CTNNA1: variants seen among roughly 807,000 people sequenced by gnomAD.
CTNNA1 encodes the protein catenin alpha 1, also known as catenin alpha-1.
In CTNNA1, 37 loss-of-function variants were observed where a neutral mutation model predicts 98.4. That is an observed-to-expected ratio of 0.38 (90% confidence interval 0.29 to 0.49). CTNNA1 has a LOEUF of 0.49. CTNNA1 is among the 20% of genes least tolerant of loss of function. CTNNA1 has a pLI of 0.95. For missense variants in CTNNA1, 761 were observed against 1,147.2 expected, an observed-to-expected ratio of 0.66 and a Z score of 4.86; for synonymous variants, 404 against 413.2, an observed-to-expected ratio of 0.98 and a Z score of 0.27.
At chr5:138,838,138 T>G (rs1761963675) in intron 7 of CTNNA1, among the ~76,000 whole-genome samples, 4 of 152,188 alleles carry the variant, frequency 2.6e-5, no homozygotes. Flanking sequence ...TGATGTCAAA[T>G]GCTATACCCA....
chr5:138,825,232 ATCTT>A (rs1760532382), intron 6 of CTNNA1, among the ~76,000 whole-genome samples: 1 of 152,200 alleles, frequency 6.6e-6, no homozygotes, highest in African/African-American at 2.4e-5. Flanking sequence ...CATCATTCTA[ATCTT>A]TCTTGTCTGC....
chr5:138,903,416 C>T (rs1466502200), intron 9 of CTNNA1, among the ~76,000 whole-genome samples: 3 of 152,160 alleles, frequency 2.0e-5, no homozygotes, highest in Non-Finnish European at 4.4e-5. Flanking sequence ...CTTTATCATT[C>T]ATAACTCAGT....
rs1308639423 is a variant in CTNNA1, at chr5:138,768,847, C to T, written c.-2-13076C>T. On this transcript the variant is annotated intron_variant, in intron 1 of 17. Coordinates refer to ENST00000302763, the MANE Select transcript of CTNNA1 (RefSeq NM_001903.5). Reference sequence around the variant, plus strand: ...TAGCATCTTCCAGATTTCTGTGTTACAAAGACAGAATGGTCTTTTGGTCTT... The same window carrying T: ...TAGCATCTTCCAGATTTCTGTGTTATAAAGACAGAATGGTCTTTTGGTCTT... Among the ~76,000 whole-genome samples the T allele has an allele frequency of 2.0e-5, 3 of 151,986 alleles. No homozygotes were observed. The South Asian group carries it at 6.2e-4, about 32-fold the overall frequency.
At chr5:138,921,322 G>A (rs1205710864) in intron 11 of CTNNA1, among the ~76,000 whole-genome samples, 2 of 152,116 alleles carry the variant, frequency 1.3e-5, no homozygotes, top group Non-Finnish European at 2.9e-5. Context: ...GCAAGTGGTT[G>A]CTTAGAGAAG....
chr5:138,833,461 T>A (rs186412116), intron 7 of CTNNA1, among the ~76,000 whole-genome samples: 1 of 152,258 alleles, frequency 6.6e-6, no homozygotes, highest in Non-Finnish European at 1.5e-5. Flanking sequence ...CTCACTGATA[T>A]TATTTTAGAT....
At chr5:138,824,184 G>A (rs1452373723) in intron 5 of CTNNA1, among the ~76,000 whole-genome samples, 3 of 152,058 alleles carry the variant, frequency 2.0e-5, no homozygotes, top group African/African-American at 7.2e-5. Context: ...TACATTATCC[G>A]ATTTAATCCT....
Position 138,783,183 on chromosome 5 carries a change from A to G in CTNNA1, c.112A>G (p.Thr38Ala). Residue 38 changes from threonine (T) to alanine (A), a missense_variant, in exon 3 of 18, where the codon ACC (threonine) becomes GCC (alanine). This residue lies in a region of CTNNA1 where 328 missense variants were observed against 354.3 expected (regional missense o/e 0.93). Transcript: ENST00000302763. The part of the protein sequence containing the change: ...LLEPLVTQVT[T>A]LVNTNSKGPS... ...TTAAAAATGAAACTTTTAGGTTACA[A>G]CCCTTGTAAACACCAATAGTAAAGG... 1 of 1,594,502 alleles carries G rather than the reference A, an allele frequency of 6.3e-7. No individual in the cohort carries two copies. The highest frequency in any genetic ancestry group is 8.5e-7 in the Non-Finnish European group (1 of 1,169,882).
chr5:138,917,908 T>G lies in CTNNA1; in HGVS notation c.1546+10T>G, dbSNP rs552041403. ...TTCTTGGCTGTCTCAGGTAATGAGCTGGTTCCCCAGAGAAGTATGTGAAGA... is the reference window on the plus strand; with the variant it reads ...TTCTTGGCTGTCTCAGGTAATGAGCGGGTTCCCCAGAGAAGTATGTGAAGA... On this transcript the variant is annotated intron_variant, in intron 11 of 17. Coordinates refer to ENST00000302763, the MANE Select transcript of CTNNA1 (RefSeq NM_001903.5). 11 of 1,613,194 alleles carry G rather than the reference T, an allele frequency of 6.8e-6. No individual in the cohort carries two copies. The East Asian group carries it at 1.8e-4, about 26-fold the overall frequency.
intron 1 of CTNNA1, among the ~76,000 whole-genome samples, chr5:138,768,225 C>T (rs923216642): frequency 2.0e-5 from 3 of 152,144 alleles, no homozygotes; most frequent in Non-Finnish European, 1.5e-5. Flanking sequence ...TGTAGATGTT[C>T]TCCATTTTGG....
At chr5:138,881,863 A>G (rs1010011996) in intron 7 of CTNNA1, among the ~76,000 whole-genome samples, 1 of 152,184 alleles carries the variant, frequency 6.6e-6, no homozygotes, top group African/African-American at 2.4e-5. Flanking sequence ...CTTTTTAAAC[A>G]GTCCTTAAAT....
intron 5 of CTNNA1, among the ~76,000 whole-genome samples, chr5:138,823,191 G>A (rs576539515): frequency 1.3e-5 from 2 of 152,202 alleles, no homozygotes; most frequent in South Asian, 2.1e-4. Context: ...TCCCTTCTGA[G>A]TATTGTGAGT....
intron 7 of CTNNA1, among the ~76,000 whole-genome samples, chr5:138,836,592 G>A (rs564796517): frequency 6.6e-6 from 1 of 152,334 alleles, no homozygotes; most frequent in African/African-American, 2.4e-5. Context: ...GCATGTTTAT[G>A]TATTTGTTGA....
rs932740865 is a variant in CTNNA1, at chr5:138,874,975, A to T, written c.1063-11237A>T. ...GTTAGACTCAACGCAGTGAGTCTGT[A>T]AAAGGCTCTAACATGTAGGAGCCTT... On this transcript the variant is annotated intron_variant, in intron 7 of 17. Coordinates refer to ENST00000302763, the MANE Select transcript of CTNNA1 (RefSeq NM_001903.5). The surrounding 1 kb of genome is among the most constrained non-coding windows in gnomAD (Gnocchi z 4.1). The T allele has an allele frequency of 1.9e-6, 3 of 1,575,940 alleles. No individual in the cohort carries two copies. The Admixed American group carries it at 5.0e-5, about 26-fold the overall frequency.
At chr5:138,779,636 G>A (rs1466117756) in intron 1 of CTNNA1, among the ~76,000 whole-genome samples, 1 of 151,964 alleles carries the variant, frequency 6.6e-6, no homozygotes, top group African/African-American at 2.4e-5. Context: ...CCAAAGTGCT[G>A]GTATCACAGG....
intron 17 of CTNNA1, chr5:138,933,075 A>C: frequency 1.4e-6 from 1 of 693,352 alleles, no homozygotes; most frequent in East Asian, 2.5e-5. Flanking sequence ...TGGAGGTTGC[A>C]GTGAGCCGAG....
At chr5:138,834,345 C>T (rs1013730217) in intron 7 of CTNNA1, among the ~76,000 whole-genome samples, 20 of 152,178 alleles carry the variant, frequency 1.3e-4, no homozygotes, top group Admixed American at 8.5e-4. Flanking sequence ...TAATTCGGAT[C>T]TGTGTATATG....
intron 7 of CTNNA1, among the ~76,000 whole-genome samples, chr5:138,858,682 G>A (rs748545263): frequency 1.5e-5 from 2 of 137,354 alleles, no homozygotes; most frequent in Non-Finnish European, 3.0e-5. Flanking sequence ...TGCAACCTCC[G>A]CCTCCCGCAT....
At chr5:138,841,249 A>ATATG (rs1410466554) in intron 7 of CTNNA1, among the ~76,000 whole-genome samples, 4 of 151,982 alleles carry the variant, frequency 2.6e-5, no homozygotes, top group Non-Finnish European at 2.9e-5. Context: ...TTGTATGTAT[A>ATATG]TATGTATGTA....
intron 9 of CTNNA1, among the ~76,000 whole-genome samples, chr5:138,899,465 T>C (rs1414430882): frequency 6.6e-6 from 1 of 152,216 alleles, no homozygotes; most frequent in Non-Finnish European, 1.5e-5. Context: ...ATAGGGGCTT[T>C]TTCTTCTTTT....
Sources: gnomAD v4.1 joint callset for allele counts (sites outside exome capture counted in the v4.1 genomes callset) on GRCh38, gnomAD v4.1.1 for gene constraint, gnomAD v4.1.1 regional missense constraint, Gnocchi (gnomAD v3.1) non-coding constraint, MANE v1.5 for transcripts, NCBI Gene and HGNC (gene_info 2026-07-23, HGNC 2026-07-21) for gene names.